Variants in LAMB3 observed in about 807,000 individuals in gnomAD.
LAMB3 encodes laminin subunit beta-3.
Under a neutral mutation model 140.3 loss-of-function variants are expected in LAMB3, and 104 were observed. The ratio of observed to expected loss-of-function variants is 0.74; its 90% confidence interval spans 0.63 to 0.87. The LOEUF (loss-of-function observed/expected upper bound fraction) is 0.87, where lower values mean the gene tolerates loss of function less well. Among genes scored for constraint, LAMB3 ranks in the 40% least tolerant of loss-of-function variants. The probability of loss-of-function intolerance (pLI) is 0.00; values close to 1 mark genes in which losing one functional copy is unlikely to be tolerated. For synonymous variants in LAMB3, 592 were observed against 602.9 expected (o/e 0.98, Z 0.26); for missense variants, 1,531 against 1,575.2 (o/e 0.97, Z 0.47).
At chr1:209,641,099 T>A (rs867278884) in intron 3 of LAMB3, among the ~76,000 whole-genome samples, 1,647 of 119,426 alleles carry the variant, frequency 0.014, 36 homozygotes, top group African/African-American at 0.042. Flanking sequence ...AAAAAAAAAA[T>A]TTAAAAAAAA....
Position 209,627,729 on chromosome 1 carries a change from G to A in LAMB3, c.1289-150C>T, listed in dbSNP as rs113875858. 5.0e-3 allele frequency: 4,092 copies of A among 814,614 alleles called. 110 individuals are homozygous for A. The African/African-American group carries it at 0.06, about 12-fold the overall frequency. 50.5% of individuals were successfully genotyped at this position (814,614 alleles called of 1,614,324 possible). ...CATGGCTGACTCACAGGACCCCTGC[G>A]CTGTCCCACCAGTTCCAGCCACCTG... On this transcript the variant is annotated intron_variant, in intron 11 of 22. Transcript: ENST00000356082.
At chr1:209,622,837 A>G (rs1666253482) in intron 17 of LAMB3, 145 bp downstream of exon 17, 2 of 1,363,760 alleles carry the variant, frequency 1.5e-6, no homozygotes, top group Non-Finnish European at 2.1e-6. Context: ...AGAGAAAAAA[A>G]ACTATCTTGC....
At chr1:209,638,990 G>A (rs901116734) in intron 3 of LAMB3, among the ~76,000 whole-genome samples, 31 of 148,942 alleles carry the variant, frequency 2.1e-4, no homozygotes, top group Admixed American at 1.5e-3. Flanking sequence ...AAAGGGGGGC[G>A]GGGGGAGAAA....
rs567776263 is a variant in LAMB3 at position 209,618,530 on chromosome 1, T to G, written c.2831A>C (p.Asn944Thr). Residue 944 changes from asparagine (N) to threonine (T), a missense_variant, in exon 19 of 23, where the codon AAC becomes ACC. By Grantham distance (65) the Asn-to-Thr change is moderately conservative (BLOSUM62 0). Transcript: ENST00000356082. The stretch of plus-strand genomic sequence containing the variant: ...GGTCTGGGACAGCACCAAGTCCACG[T>G]TGGGGAGCCTGGCTGCAATGGCCTG... Reference protein sequence around the residue: ...EIQAIAARLPNVDLVLSQTKQ... With the variant: ...EIQAIAARLPTVDLVLSQTKQ... 6.2e-7 allele frequency: 1 copy of G among 1,614,246 alleles called. No homozygotes were observed. Among genetic ancestry groups the G allele is most frequent in the East Asian group, 2.2e-5 (1 of 44,888 alleles).
chr1:209,624,767 G>A (rs534861070), intron 14 of LAMB3, among the ~76,000 whole-genome samples: 3 of 152,220 alleles, frequency 2.0e-5, no homozygotes, highest in East Asian at 1.9e-4. Flanking sequence ...TCCCCAGTGC[G>A]AGCTTCTTGA....
chr1:209,632,659 C>T lies in LAMB3; in HGVS notation c.746G>A (p.Ser249Asn), dbSNP rs1666734295. Residue 249 changes from serine (S) to asparagine (N), a missense_variant, in exon 8 of 23, where the codon AGC (serine) becomes AAC (asparagine). Ser to Asn is a conservative substitution (Grantham distance 46). Transcript: ENST00000356082. The stretch of plus-strand genomic sequence containing the variant: ...ATCAGCATGGCCGTGACAGAAGCAG[C>T]TCCCCTGCAGACGGAGCTGGGACAC... ...YAVSQLRLQG[S>N]CFCHGHADRC... is the part of the protein sequence containing the mutation. The T allele has an allele frequency of 1.2e-6, 2 of 1,614,176 alleles. No individual in the cohort carries two copies. The highest frequency in any genetic ancestry group is 2.7e-5 in the African/African-American group (2 of 75,054).
At position 209,629,751 on chromosome 1, in the gene LAMB3, T is replaced by G; in HGVS notation, c.1118A>C (p.Gln373Pro). The G allele has an allele frequency of 6.2e-7, 1 of 1,614,096 alleles. No homozygotes were observed. The highest frequency in any genetic ancestry group is 8.5e-7 in the Non-Finnish European group (1 of 1,180,036). ...CCTCTACTCACAGATGCAGGTCTCC[T>G]GAATGGAAGCTCCCGGGCGCCGGTT... ...FRNRRPGASI[Q>P]ETCISCECDP... The change falls in exon 10 of 23, where the codon CAG (glutamine) becomes CCG (proline). Residue 373 changes from glutamine to proline, a missense_variant. By Grantham distance (76) the Gln-to-Pro change is moderately conservative (BLOSUM62 -1). Coordinates refer to ENST00000356082, the MANE Select transcript of LAMB3 (RefSeq NM_000228.3).
chr1:209,647,042 C>G (rs1202009922), intron 3 of LAMB3, among the ~76,000 whole-genome samples: 1 of 152,234 alleles, frequency 6.6e-6, no homozygotes, highest in Non-Finnish European at 1.5e-5. Flanking sequence ...TGGCAAAGAA[C>G]AGCCTTGTCC....
rs754652211 is a variant in LAMB3 at position 209,638,655 on chromosome 1, G to A, written c.184-7C>T. 6.3e-7 allele frequency: 1 copy of A among 1,588,080 alleles called. No individual in the cohort carries two copies. Among genetic ancestry groups the A allele is most frequent in the Admixed American group, 1.7e-5 (1 of 59,968 alleles). On this transcript the variant is annotated splice_region_variant and splice_polypyrimidine_tract_variant and intron_variant, in intron 3 of 22. Coordinates refer to ENST00000356082, the MANE Select transcript of LAMB3 (RefSeq NM_000228.3). ...TGCAGCATTTCATCTGCCACTGTGGGAGAGGGAGATAGCAGACACTCAGAG... is the reference window on the plus strand; with the variant it reads ...TGCAGCATTTCATCTGCCACTGTGGAAGAGGGAGATAGCAGACACTCAGAG...
chr1:209,638,599 T>C lies in LAMB3; in HGVS notation c.233A>G (p.Tyr78Cys). ...KCDSRQPHNY[Y>C]SHRVENVASS... ...AGCCACATTCTCTACTCGGTGACTG[T>C]AGTAGTTGTGAGGCTGCCTGGAGTC... The change falls in exon 4 of 23, where the codon TAC (tyrosine) becomes TGC (cysteine). Residue 78 changes from tyrosine to cysteine, a missense_variant. Transcript: ENST00000356082. 1.9e-6 allele frequency: 3 copies of C among 1,614,024 alleles called. No homozygotes were observed. Among genetic ancestry groups the C allele is most frequent in the Admixed American group, 1.7e-5 (1 of 60,014 alleles).
intron 14 of LAMB3, among the ~76,000 whole-genome samples, chr1:209,625,424 T>G (rs948953580): frequency 1.3e-5 from 2 of 152,176 alleles, no homozygotes; most frequent in African/African-American, 2.4e-5. Flanking sequence ...GCTCTGCCCT[T>G]CGGTGGTCAT....
chr1:209,649,901 C>A (rs942226614), intron 3 of LAMB3, 63 bp downstream of exon 3: 1 of 1,574,806 alleles, frequency 6.3e-7, no homozygotes, highest in Non-Finnish European at 8.7e-7. Context: ...ATTCAGTGGA[C>A]AAATGGCAGC....
chr1:209,630,666 TGTA>T lies in LAMB3; in HGVS notation c.889_891del (p.Tyr297del). On this transcript the variant is annotated inframe_deletion, in exon 9 of 23. Coordinates refer to ENST00000356082, the MANE Select transcript of LAMB3 (RefSeq NM_000228.3). ...TCCGCCGGTCTCCAGGGCCGGTTGT[TGTA>T]GAAGGGTGCACAGCGCTCACAATTT... 1 of 1,614,046 alleles carries T rather than the reference TGTA, an allele frequency of 6.2e-7. No homozygotes were observed. The highest frequency in any genetic ancestry group is 8.5e-7 in the Non-Finnish European group (1 of 1,180,008).
At chr1:209,634,725 A>T in intron 5 of LAMB3, 87 bp from the exon 6 acceptor site, 1 of 1,141,482 alleles carries the variant, frequency 8.8e-7, no homozygotes, top group South Asian at 1.3e-5. Flanking sequence ...TCCTCCAGTG[A>T]ACTCGGGAGA....
rs756170384 is a variant in LAMB3, at chr1:209,617,603, A to C, written c.3052-17T>G. On this transcript the variant is annotated splice_polypyrimidine_tract_variant and intron_variant, in intron 20 of 22. Transcript: ENST00000356082. ...CTGCTGAACCTTTGTGGAAAGAGGG[A>C]GATCTGGCCTTTGTGGTGGGTCTCA... is the stretch of plus-strand genomic sequence containing the variant. The C allele has an allele frequency of 1.2e-6, 2 of 1,613,302 alleles. No individual in the cohort carries two copies. Among genetic ancestry groups the C allele is most frequent in the South Asian group, 2.2e-5 (2 of 91,074 alleles).
chr1:209,619,672 G>T (rs17014905), intron 18 of LAMB3, among the ~76,000 whole-genome samples: 3,010 of 152,302 alleles, frequency 0.02, 53 homozygotes, highest in Middle Eastern at 0.044. Flanking sequence ...TGCTTTTACA[G>T]ATTTCACTGG....
At position 209,617,487 on chromosome 1, in the gene LAMB3, G is replaced by A. The variant is rs527365033; in HGVS notation, c.3151C>T (p.Arg1051Trp). 56 of 1,613,910 alleles carry A rather than the reference G, an allele frequency of 3.5e-5. No homozygotes were observed. The highest frequency in any genetic ancestry group is 2.1e-4 in the South Asian group (19 of 91,070). Residue 1051 changes from arginine (R) to tryptophan (W), a missense_variant, in exon 21 of 23, where the codon CGG becomes TGG. By Grantham distance (101) the Arg-to-Trp change is moderately radical (BLOSUM62 -3). Transcript: ENST00000356082. ...TRMEELRHQA[R>W]QQGAEAVQAQ... is the part of the protein sequence containing the mutation. Reference sequence around the variant, plus strand: ...TGGACTGCCTCTGCCCCCTGCTGCCGGGCTTGGTGGCGGAGCTCCTCCATC... The same window carrying A: ...TGGACTGCCTCTGCCCCCTGCTGCCAGGCTTGGTGGCGGAGCTCCTCCATC...
chr1:209,631,413 G>T (rs1384845621), intron 8 of LAMB3, among the ~76,000 whole-genome samples: 1 of 152,100 alleles, frequency 6.6e-6, no homozygotes, highest in Non-Finnish European at 1.5e-5. Context: ...TCTTCTCTCT[G>T]TATTCATTCA....
intron 8 of LAMB3, among the ~76,000 whole-genome samples, chr1:209,631,021 G>T (rs984070840): frequency 4.6e-5 from 7 of 152,216 alleles, no homozygotes; most frequent in Non-Finnish European, 1.0e-4. Flanking sequence ...ACACCCCCAT[G>T]ACACCCAGTC....
Sources: allele counts gnomAD v4.1 joint callset (sites outside exome capture counted in the v4.1 genomes callset), GRCh38; gene constraint gnomAD v4.1.1; transcripts MANE v1.5; gene names NCBI Gene and HGNC (gene_info 2026-07-23, HGNC 2026-07-21).